Variants in CFAP70 observed in about 807,000 individuals in gnomAD.
CFAP70 encodes the protein cilia and flagella associated protein 70.
CFAP70 carries 81 observed loss-of-function variants against 137.6 expected under a neutral mutation model. That is an observed-to-expected ratio of 0.59 (90% confidence interval 0.49 to 0.71). The LOEUF (loss-of-function observed/expected upper bound fraction) is 0.71, where lower values mean the gene tolerates loss of function less well. CFAP70 is among the 30% of genes least tolerant of loss of function. The probability of loss-of-function intolerance (pLI) is 0.00; values close to 1 mark genes in which losing one functional copy is unlikely to be tolerated. For synonymous variants in CFAP70, 382 were observed against 423.6 expected (o/e 0.90, Z 1.20); for missense variants, 976 against 1,226.7 (o/e 0.80, Z 3.05).
At chr10:73,319,767 T>C (rs988912677) in intron 9 of CFAP70, among the ~76,000 whole-genome samples, 1 of 152,240 alleles carries the variant, frequency 6.6e-6, no homozygotes, top group African/African-American at 2.4e-5. Context: ...ATCACACCTT[T>C]ACCACCAATG....
chr10:73,303,511 C>A lies in CFAP70; in HGVS notation c.1257-3846G>T, dbSNP rs551046760. ...GGGATTACAGGTGTGAGCCACCACA[C>A]CCGGCCTATTGTTGCCATTCTAATT... On this transcript the variant is annotated intron_variant, in intron 12 of 26. Transcript: ENST00000310715. 1.6e-3 allele frequency among the ~76,000 whole-genome samples: 242 copies of A among 152,296 alleles called. 1 individual carries two copies. Among genetic ancestry groups the A allele is most frequent in the Admixed American group, 6.3e-3 (96 of 15,300 alleles).
intron 3 of CFAP70, among the ~76,000 whole-genome samples, chr10:73,351,634 T>C (rs1305810796): frequency 3.3e-5 from 5 of 152,192 alleles, no homozygotes; most frequent in Admixed American, 6.5e-5. Flanking sequence ...GGTTTTGCCA[T>C]CTTGACCAGG....
chr10:73,350,524 C>T (rs1432857590), intron 3 of CFAP70, among the ~76,000 whole-genome samples: 1 of 152,050 alleles, frequency 6.6e-6, no homozygotes, highest in African/African-American at 2.4e-5. Flanking sequence ...TATGCAAGTG[C>T]TCTTTAAAGG....
intron 16 of CFAP70, 136 bp downstream of exon 17, chr10:73,293,127 G>T: frequency 1.2e-6 from 1 of 824,234 alleles, no homozygotes; most frequent in Non-Finnish European, 1.7e-6. Flanking sequence ...TTATTGGTGG[G>T]AACCTATTTT....
At chr10:73,340,179 C>T (rs576743952) in intron 6 of CFAP70, among the ~76,000 whole-genome samples, 9 of 152,334 alleles carry the variant, frequency 5.9e-5, no homozygotes, top group African/African-American at 2.2e-4. Flanking sequence ...CTCCTCTCCA[C>T]AGGCAGGGCG....
intron 24 of CFAP70, among the ~76,000 whole-genome samples, chr10:73,269,918 C>T (rs572990079): frequency 3.3e-5 from 5 of 152,286 alleles, no homozygotes; most frequent in Admixed American, 6.5e-5. Context: ...AAAGCCAGGT[C>T]GGGGATTCTG....
intron 19 of CFAP70, among the ~76,000 whole-genome samples, chr10:73,279,453 G>A (rs1260859297): frequency 1.3e-5 from 2 of 151,750 alleles, no homozygotes; most frequent in Non-Finnish European, 2.9e-5. Context: ...GAACCCGGGA[G>A]GCAGAGCTTG....
rs181036962 is a variant in CFAP70 at position 73,262,874 on chromosome 10, A to G, written c.3028-6458T>C. Reference sequence around the variant, plus strand: ...AGTATATATGTGTGTGTTTATCTACATAAACACACACCTAACTCTTCCTGA... The same window carrying G: ...AGTATATATGTGTGTGTTTATCTACGTAAACACACACCTAACTCTTCCTGA... On this transcript the variant is annotated intron_variant, in intron 25 of 26. Coordinates refer to ENST00000310715, the Ensembl canonical transcript of CFAP70. 2.6e-5 allele frequency among the ~76,000 whole-genome samples: 4 copies of G among 152,330 alleles called. No individual in the cohort carries two copies. The East Asian group carries it at 7.7e-4, about 29-fold the overall frequency.
chr10:73,263,016 T>TATAGATAGAATATTATTATCTAATAGATA (rs2045415362), intron 25 of CFAP70, among the ~76,000 whole-genome samples: 1 of 152,240 alleles, frequency 6.6e-6, no homozygotes, highest in Non-Finnish European at 1.5e-5. Flanking sequence ...AGGAAGTTAG[T>TATAGATAGAATATTATTATCTAATAGATA]ATAGATAGAA....
chr10:73,348,473 T>G, exon 4 of CFAP70: 4 of 1,530,958 alleles, frequency 2.6e-6, no homozygotes, highest in Non-Finnish European at 3.5e-6. Flanking sequence ...AATTAAGGTC[T>G]TCTCTTCTTT....
At chr10:73,325,269 T>C (rs1423216100) in intron 8 of CFAP70, among the ~76,000 whole-genome samples, 1 of 152,068 alleles carries the variant, frequency 6.6e-6, no homozygotes, top group Non-Finnish European at 1.5e-5. Context: ...TAAAATACTT[T>C]ACAGACAAGC....
intron 16 of CFAP70, among the ~76,000 whole-genome samples, 198 bp downstream of exon 17, chr10:73,293,065 A>T: frequency 6.6e-6 from 1 of 152,228 alleles, no homozygotes; most frequent in Middle Eastern, 3.2e-3. Flanking sequence ...TACTGAAAAG[A>T]CTATCCTTTC....
intron 19 of CFAP70, chr10:73,279,001 AG>A (rs1263979475): frequency 2.7e-5 from 4 of 149,052 alleles, no homozygotes; most frequent in Admixed American, 6.7e-5. Flanking sequence ...AAAAAAAAAT[AG>A]GAGTGAAACT....
intron 26 of CFAP70, among the ~76,000 whole-genome samples, chr10:73,254,887 G>A (rs2044314163): frequency 2.6e-5 from 4 of 152,192 alleles, no homozygotes; most frequent in South Asian, 2.1e-4. Flanking sequence ...GCTGCGGTAC[G>A]AGCCCTGGAC....
chr10:73,312,574 TTCC>T (rs1264758498), exon 10 of CFAP70: 21 of 1,612,154 alleles, frequency 1.3e-5, no homozygotes, highest in Non-Finnish European at 1.8e-5. Context: ...AGAGAATTAA[TTCC>T]TCCTATTTTA....
chr10:73,345,548 G>A (rs1236383540), intron 4 of CFAP70, among the ~76,000 whole-genome samples: 1 of 152,132 alleles, frequency 6.6e-6, no homozygotes, highest in Non-Finnish European at 1.5e-5. Flanking sequence ...GCTCACTCCT[G>A]TAATCCCAGC....
At chr10:73,324,348 T>C (rs2051173330) in intron 8 of CFAP70, among the ~76,000 whole-genome samples, 1 of 152,058 alleles carries the variant, frequency 6.6e-6, no homozygotes, top group South Asian at 2.1e-4. Flanking sequence ...ATCACCATCG[T>C]CAAAGACCAA....
At chr10:73,348,216 TG>T (rs1216956558) in intron 4 of CFAP70, 11 of 1,614,080 alleles carry the variant, frequency 6.8e-6, no homozygotes, top group Non-Finnish European at 9.3e-6. Context: ...ATGGAACTGT[TG>T]TTTGAAATGA....
exon 16 of CFAP70, chr10:73,293,317 T>C (rs748297274): frequency 6.2e-7 from 1 of 1,612,510 alleles, no homozygotes; most frequent in South Asian, 1.1e-5. Flanking sequence ...CTGCTTCAAA[T>C]GCAAAGAGTT....
Sources: allele counts gnomAD v4.1 joint callset (sites outside exome capture counted in the v4.1 genomes callset), GRCh38; gene constraint gnomAD v4.1.1; transcripts MANE v1.5; gene names NCBI Gene and HGNC (gene_info 2026-07-23, HGNC 2026-07-21).